The following CLTC variants were observed in gnomAD, a reference collection of about 807,000 sequenced individuals.
CLTC encodes clathrin heavy chain.
CLTC carries 16 observed loss-of-function variants against 195.8 expected under a neutral mutation model. The ratio of observed to expected loss-of-function variants is 0.08; its 90% CI spans 0.06 to 0.12. CLTC has a LOEUF of 0.12. Ranked by LOEUF, CLTC falls within the 10% of genes least tolerant of loss-of-function variation. CLTC has a pLI of 1.00. For missense variants in CLTC, 796 were observed against 2,027.0 expected (o/e 0.39, Z 11.66); for synonymous variants, 667 against 689.4 (o/e 0.97, Z 0.51).
Position 59,664,004 on chromosome 17 carries a change from A to G in CLTC, c.1521+10A>G, listed in dbSNP as rs184639073. The G allele has an allele frequency of 1.1e-5, 18 of 1,608,532 alleles. No individual in the cohort carries two copies. The Admixed American group carries it at 2.7e-4, about 24-fold the overall frequency. ...TTTATATGCTAAAAAAGTGAGTTCA[A>G]TGAAACACATTCTCAGCATGAATTC... is the stretch of plus-strand genomic sequence containing the variant. On this transcript the variant is annotated intron_variant, in intron 9 of 31. Coordinates refer to ENST00000269122, the MANE Select transcript of CLTC (RefSeq NM_004859.4).
intron 5 of CLTC, among the ~76,000 whole-genome samples, chr17:59,651,519 C>G (rs1374195247): frequency 1.3e-5 from 2 of 152,082 alleles, no homozygotes; most frequent in African/African-American, 2.4e-5. Flanking sequence ...GGCTCCAGAC[C>G]ACCACAATAA....
intron 6 of CLTC, 111 bp downstream of exon 6, chr17:59,656,138 T>G: frequency 1.1e-6 from 1 of 936,366 alleles, no homozygotes; most frequent in Non-Finnish European, 1.5e-6. Flanking sequence ...AAAATAAACA[T>G]ATTACTGTTA....
At chr17:59,636,760 TTTTC>T (rs2031871153) in intron 1 of CLTC, among the ~76,000 whole-genome samples, 2 of 151,886 alleles carry the variant, frequency 1.3e-5, no homozygotes, top group South Asian at 4.2e-4. Context: ...AATAAGGACA[TTTTC>T]TTTCTTTTTC....
chr17:59,647,205 T>G (rs2032217871), intron 2 of CLTC, among the ~76,000 whole-genome samples, 193 bp from the exon 3 acceptor site: 1 of 152,202 alleles, frequency 6.6e-6, no homozygotes. Context: ...GGTAATGTAG[T>G]TTTTGCTTAA....
chr17:59,664,065 CT>C, intron 9 of CLTC, 71 bp downstream of exon 9: 1 of 1,260,884 alleles, frequency 7.9e-7, no homozygotes, highest in Non-Finnish European at 1.1e-6. Flanking sequence ...CCTGTATTAA[CT>C]CTTGATTACT....
At chr17:59,670,239 A>T (rs1214775027) in intron 14 of CLTC, among the ~76,000 whole-genome samples, 1 of 151,360 alleles carries the variant, frequency 6.6e-6, no homozygotes, top group Non-Finnish European at 1.5e-5. Flanking sequence ...CAACAAAAAA[A>T]ACTACTACTA....
At chr17:59,664,290 G>A (rs544377095) in intron 9 of CLTC, among the ~76,000 whole-genome samples, 2 of 152,150 alleles carry the variant, frequency 1.3e-5, no homozygotes, top group African/African-American at 2.4e-5. Context: ...GGTGGCTTGC[G>A]CCTGTAATCC....
rs1598254857 is a variant in CLTC, at chr17:59,696,746, A to T, written c.*2894A>T. On this transcript the variant is annotated 3_prime_UTR_variant, in exon 32 of 32. Coordinates refer to ENST00000269122, the MANE Select transcript of CLTC (RefSeq NM_004859.4). Reference sequence around the variant, plus strand: ...AAACTACGTTCACTTTACAGTTACCATAAATTCTTACTTGGGCCCACCCAT... The same window carrying T: ...AAACTACGTTCACTTTACAGTTACCTTAAATTCTTACTTGGGCCCACCCAT... The T allele has an allele frequency of 4.8e-6, 1 of 206,664 alleles. No individual in the cohort carries two copies. Among genetic ancestry groups the T allele is most frequent in the African/African-American group, 2.3e-5 (1 of 44,034 alleles). The allele number at this position is 206,664 out of a possible 1,614,324, so 12.8% of individuals were successfully genotyped here. A position where few individuals can be genotyped will look rare whatever the true frequency, so the allele number is the denominator to read the frequency against.
At chr17:59,628,008 G>A (rs2031603021) in intron 1 of CLTC, among the ~76,000 whole-genome samples, 1 of 152,230 alleles carries the variant, frequency 6.6e-6, no homozygotes, top group South Asian at 2.1e-4. Flanking sequence ...CTCATTTTGA[G>A]TAGCATCATG....
At chr17:59,668,025 A>C (rs1197940368) in intron 13 of CLTC, among the ~76,000 whole-genome samples, 1 of 152,248 alleles carries the variant, frequency 6.6e-6, no homozygotes, top group Non-Finnish European at 1.5e-5. Flanking sequence ...ATTTACATTG[A>C]AAGTTATTAA....
At chr17:59,627,001 T>G (rs1701996098) in intron 1 of CLTC, among the ~76,000 whole-genome samples, 1 of 152,054 alleles carries the variant, frequency 6.6e-6, no homozygotes, top group African/African-American at 2.4e-5. Flanking sequence ...TGGGCTTAGG[T>G]AATCCTCCCA....
chr17:59,668,333 G>A (rs1166518240), intron 13 of CLTC, among the ~76,000 whole-genome samples: 1 of 152,114 alleles, frequency 6.6e-6, no homozygotes, highest in African/African-American at 2.4e-5. Context: ...AAGTGCTTGG[G>A]GCCACAAATT....
chr17:59,690,834 C>G, intron 31 of CLTC, 123 bp downstream of exon 31: 1 of 592,990 alleles, frequency 1.7e-6, no homozygotes, highest in South Asian at 2.6e-5. Flanking sequence ...AAATACTGCT[C>G]TCTACTGTCT....
At chr17:59,692,103 G>A (rs1025494363) in intron 31 of CLTC, among the ~76,000 whole-genome samples, 1 of 152,162 alleles carries the variant, frequency 6.6e-6, no homozygotes, top group Non-Finnish European at 1.5e-5. Context: ...CGGATCATGA[G>A]GTCAGGAGAT....
Position 59,648,542 on chromosome 17 carries a change from A to G in CLTC, c.681+141A>G. On this transcript the variant is annotated intron_variant, in intron 4 of 31. Coordinates refer to ENST00000269122, the MANE Select transcript of CLTC (RefSeq NM_004859.4). This position sits in a 1 kb window ranked among gnomAD's most constrained non-coding sequence, Gnocchi z 4.5. ...CATTTGTGGTGACTTAATTTGTTCA[A>G]ATTTTGCATCTAGTGATACTTGTCT... 5.2e-6 allele frequency: 4 copies of G among 762,108 alleles called. No homozygotes were observed. The allele number at this position is 762,108 out of a possible 1,614,324, so 47.2% of individuals were successfully genotyped here. A position where few individuals can be genotyped will look rare whatever the true frequency, so the allele number is the denominator to read the frequency against.
intron 1 of CLTC, among the ~76,000 whole-genome samples, chr17:59,628,449 TGTCCA>T (rs1374861275): frequency 4.6e-5 from 7 of 152,210 alleles, no homozygotes; most frequent in Non-Finnish European, 1.0e-4. Flanking sequence ...AGTTTCCCTT[TGTCCA>T]CTTGAGTTGA....
intron 10 of CLTC, among the ~76,000 whole-genome samples, chr17:59,665,567 G>A (rs139025203): frequency 6.6e-6 from 1 of 152,200 alleles, no homozygotes; most frequent in East Asian, 1.9e-4. Context: ...GGCTGGGTGC[G>A]GTGGCTCAGG....
chr17:59,685,219 T>A lies in CLTC; in HGVS notation c.4598T>A (p.Leu1533His). The A allele has an allele frequency of 6.3e-7, 1 of 1,583,132 alleles. No individual in the cohort carries two copies. The highest frequency in any genetic ancestry group is 8.6e-7 in the Non-Finnish European group (1 of 1,160,744). ...GTAGAGCTGTGCAAGAAAGACAGCC[T>A]TTACAAGGTTGATAAAGTTGCGGGG... ...QSVELCKKDS[L>H]YKDAMQYASE... Residue 1533 changes from leucine (L) to histidine (H), a missense_variant, in exon 29 of 32, where the codon CTT (leucine) becomes CAT (histidine). Around this residue, in one of 9 missense-constraint regions of CLTC, gnomAD observed 148 missense variants for 279.5 expected, o/e 0.53. Coordinates refer to ENST00000269122, the MANE Select transcript of CLTC (RefSeq NM_004859.4). The surrounding 1 kb of genome is among the most constrained non-coding windows in gnomAD (Gnocchi z 5.0).
intron 1 of CLTC, among the ~76,000 whole-genome samples, chr17:59,628,941 C>T (rs1041819794): frequency 2.0e-5 from 3 of 152,082 alleles, no homozygotes; most frequent in South Asian, 2.1e-4. Context: ...GGATTACAGG[C>T]GTGAGCCATC....
Sources: gnomAD v4.1 joint callset for allele counts (sites outside exome capture counted in the v4.1 genomes callset) on GRCh38, gnomAD v4.1.1 for gene constraint, gnomAD v4.1.1 regional missense constraint, Gnocchi (gnomAD v3.1) non-coding constraint, MANE v1.5 for transcripts, NCBI Gene and HGNC (gene_info 2026-07-23, HGNC 2026-07-21) for gene names.